The following PLEC variants were observed in gnomAD, a reference collection of about 807,000 sequenced individuals.
PLEC encodes the protein hemidesmosomal protein 1.
PLEC carries 216 observed loss-of-function variants against 392.8 expected under a neutral mutation model. The observed-to-expected ratio is 0.55, with a 90% CI of 0.49 to 0.62. The LOEUF (loss-of-function observed/expected upper bound fraction) is 0.62, where lower values mean the gene tolerates loss of function less well. PLEC is among the 20% of genes least tolerant of loss of function. The probability of loss-of-function intolerance (pLI) is 0.00; values close to 1 mark genes in which losing one functional copy is unlikely to be tolerated. For synonymous variants in PLEC, 3,621 were observed against 2,980.6 expected, an observed-to-expected ratio of 1.21 and a Z score of -7.00; for missense variants, 6,863 against 6,563.4, an observed-to-expected ratio of 1.05 and a Z score of -1.58.
chr8:143,947,605 C>T (rs1164503310), intron 1 of PLEC, among the ~76,000 whole-genome samples: 1 of 151,944 alleles, frequency 6.6e-6, no homozygotes, highest in Non-Finnish European at 1.5e-5. Context: ...CAAAAATTAG[C>T]CAGGCATGGT....
At chr8:143,955,089 C>A (rs2132808036), upstream of PLEC, among the ~76,000 whole-genome samples, 3 of 152,286 alleles carry the variant, frequency 2.0e-5, no homozygotes, top group Middle Eastern at 0.01. Context: ...CCTGCCCGTC[C>A]CTGCCCTCCC....
chr8:143,973,570 G>A (rs1833547202), upstream of PLEC: 4 of 974,524 alleles, frequency 4.1e-6, no homozygotes, highest in Admixed American at 6.0e-5. The surrounding 1 kb of genome is among the most constrained non-coding windows in gnomAD (Gnocchi z 5.6). Flanking sequence ...GGCCGCCCCC[G>A]CCCCGCCCCC....
chr8:143,920,932 C>T lies in PLEC; in HGVS notation c.8889G>A (p.Val2963=), dbSNP rs1822428148. ...EKIIKIIITV[V]EEQEQKGRLC... Reference sequence around the variant, plus strand: ...GCCGGCCCTTCTGCTCCTGCTCCTCCACCACCGTGATGATGATCTTGATGA... The same window carrying T: ...GCCGGCCCTTCTGCTCCTGCTCCTCTACCACCGTGATGATGATCTTGATGA... The change falls in exon 32 of 32, where the codon GTG becomes GTA. Residue 2963 remains valine, a synonymous_variant. Coordinates refer to ENST00000345136, the MANE Select transcript of PLEC (RefSeq NM_201384.3). The T allele has an allele frequency of 6.2e-7, 1 of 1,612,794 alleles. No individual in the cohort carries two copies. Among genetic ancestry groups the T allele is most frequent in the Admixed American group, 1.7e-5 (1 of 60,012 alleles).
At chr8:143,941,801 C>A (rs547377434), upstream of PLEC, among the ~76,000 whole-genome samples, 33 of 152,160 alleles carry the variant, frequency 2.2e-4, no homozygotes, top group Non-Finnish European at 4.9e-4. Flanking sequence ...TGGGACGCAC[C>A]CAGAACACCC....
Position 143,922,973 on chromosome 8 carries a change from A to G in PLEC, c.6956T>C (p.Val2319Ala). 1 of 1,610,652 alleles carries G rather than the reference A, an allele frequency of 6.2e-7. No individual in the cohort carries two copies. Among genetic ancestry groups the G allele is most frequent in the Non-Finnish European group, 8.5e-7 (1 of 1,179,114 alleles). Residue 2319 changes from valine to alanine, a missense_variant, in exon 31 of 32, where the codon GTG (valine) becomes GCG (alanine). Val to Ala is a moderately conservative substitution (Grantham distance 64). Coordinates refer to ENST00000345136, the MANE Select transcript of PLEC (RefSeq NM_201384.3). ...EKMLKEKMQA[V>A]QEATRLKAEA... ...AGCCTTGAGTCGCGTGGCCTCCTGC[A>G]CCGCCTGCATCTTCTCCTTGAGCAT...
Position 143,916,321 on chromosome 8 carries a change from G to C in PLEC, c.13500C>G (p.Gly4500=). Residue 4500 remains glycine, a synonymous_variant, in exon 32 of 32, where the codon GGC becomes GGG. Transcript: ENST00000345136. ...TGGCGTCAAAGCTGCCGCGGCGGGA[G>C]CCGGCCCGGGAGCCGGTGCGCGAGC... ...RTGSRTGSRA[G]SRRGSFDATG... 1 of 1,586,342 alleles carries C rather than the reference G, an allele frequency of 6.3e-7. No homozygotes were observed. Among genetic ancestry groups the C allele is most frequent in the Non-Finnish European group, 8.6e-7 (1 of 1,169,004 alleles).
Position 143,926,694 on chromosome 8 carries a change from G to A in PLEC, c.4044+90C>T, listed in dbSNP as rs535531627. 9.3e-6 allele frequency: 10 copies of A among 1,080,606 alleles called. No homozygotes were observed. In the African/African-American group the frequency reaches 1.2e-4, roughly 13 times the overall value. 66.9% of individuals were successfully genotyped at this position (1,080,606 alleles called of 1,614,324 possible). ...GGGAGAGTGGGGAGGGCCACGAGAG[G>A]TGGCCTCAGGCAGCTCCTGTGGCTG... is the stretch of plus-strand genomic sequence containing the variant. On this transcript the variant is annotated intron_variant, in intron 30 of 31. Transcript: ENST00000345136.
rs786205252 is a variant in PLEC at position 143,930,151 on chromosome 8, C to CGGCCTCCTG, written c.2596_2604dup (p.Gln866_Ala868dup). The CGGCCTCCTG allele has an allele frequency of 1.3e-6, 2 of 1,583,604 alleles. No homozygotes were observed. Among genetic ancestry groups the CGGCCTCCTG allele is most frequent in the Non-Finnish European group, 1.7e-6 (2 of 1,170,952 alleles). On this transcript the variant is annotated inframe_insertion, in exon 21 of 32. Coordinates refer to ENST00000345136, the MANE Select transcript of PLEC (RefSeq NM_201384.3). Reference sequence around the variant, plus strand: ...TGAGCCCCCGCCACCCACCTGGTGACGGCCTCCTGGGCCTCCTGGTTGGGC... The same window carrying CGGCCTCCTG: ...TGAGCCCCCGCCACCCACCTGGTGACGGCCTCCTGGGCCTCCTGGGCCTCCTGGTTGGGC...
At chr8:143,938,605 G>A in intron 2 of PLEC, 26 bp downstream of exon 2, 2 of 1,611,922 alleles carry the variant, frequency 1.2e-6, no homozygotes, top group Non-Finnish European at 1.7e-6. Flanking sequence ...CAGCCCCTGT[G>A]ACACGCACCA....
chr8:143,940,761 C>G (rs2132393901), upstream of PLEC, among the ~76,000 whole-genome samples: 2 of 152,298 alleles, frequency 1.3e-5, no homozygotes, highest in South Asian at 4.1e-4. Context: ...TGAGGGGGCA[C>G]CAGAACCCTC....
At position 143,930,080 on chromosome 8, in the gene PLEC, C is replaced by T. The variant is rs1425821366; in HGVS notation, c.2613-18G>A. On this transcript the variant is annotated intron_variant, in intron 21 of 31. Coordinates refer to ENST00000345136, the MANE Select transcript of PLEC (RefSeq NM_201384.3). ...CCTCCAGCCTGGCAGGTCAGGGCTA[C>T]AGTCAGCGTCACCAGCGCCCCACCC... 3 of 1,607,452 alleles carry T rather than the reference C, an allele frequency of 1.9e-6. No homozygotes were observed. Among genetic ancestry groups the T allele is most frequent in the African/African-American group, 1.3e-5 (1 of 74,898 alleles).
At chr8:143,975,417 G>A (rs530286282), upstream of PLEC, 1 of 1,554,574 alleles carries the variant, frequency 6.4e-7, no homozygotes. This position sits in a 1 kb window ranked among gnomAD's most constrained non-coding sequence, Gnocchi z 9.9. Flanking sequence ...GCCTGTTCAG[G>A]AGTGGACTCT....
In PLEC at chr8:143,934,120, C is replaced by T. The variant is rs563926955; in HGVS notation, c.1170-29G>A. The T allele has an allele frequency of 3.1e-5, 50 of 1,606,454 alleles. No homozygotes were observed. The South Asian group carries it at 3.7e-4, about 12-fold the overall frequency. ...CAGCAGCAGCACAGGGAAGGGGCCG[C>T]GTTGGCCGGGTCCGGCACAGCCCTG... On this transcript the variant is annotated intron_variant, in intron 11 of 31. Coordinates refer to ENST00000345136, the MANE Select transcript of PLEC (RefSeq NM_201384.3).
chr8:143,916,390 G>C lies in PLEC; in HGVS notation c.13431C>G (p.Pro4477=). 2 of 1,611,040 alleles carry C rather than the reference G, an allele frequency of 1.2e-6. No homozygotes were observed. Among genetic ancestry groups the C allele is most frequent in the Non-Finnish European group, 1.7e-6 (2 of 1,179,192 alleles). The change falls in exon 32 of 32, where the codon CCC becomes CCG. Residue 4477 remains proline, a synonymous_variant. Transcript: ENST00000345136. ...TAGAGCCGGAGCCGCTGACGCTGTA[G>C]GGGCTGTAGTAGCCCTTGGTGGACT... The part of the protein sequence containing the change: ...AAQSTKGYYS[P]YSVSGSGSTA...
rs1554725913 is a variant in PLEC at position 143,938,681 on chromosome 8, G to T, written c.124C>A (p.Arg42Ser). The change falls in exon 2 of 32, where the codon CGT becomes AGT. Residue 42 changes from arginine (R) to serine (S), a missense_variant. By Grantham distance (110) the Arg-to-Ser change is moderately radical. Transcript: ENST00000345136. ...ASEGKKDERD[R>S]VQKKTFTKWV... ...TTGGTGAAGGTTTTCTTCTGCACAC[G>T]ATCCCGCTCATCTGGGGGAGACAAG... 1.2e-6 allele frequency: 2 copies of T among 1,613,750 alleles called. No individual in the cohort carries two copies. The highest frequency in any genetic ancestry group is 1.1e-5 in the South Asian group (1 of 91,080).
chr8:143,931,687 G>T, intron 18 of PLEC, 28 bp from the exon 19 acceptor site: 2 of 1,587,742 alleles, frequency 1.3e-6, no homozygotes, highest in African/African-American at 2.7e-5. Flanking sequence ...GGTCACGCCA[G>T]GCTACCTGGG....
chr8:143,953,849 C>T (rs1564216857), upstream of PLEC: 9 of 1,587,092 alleles, frequency 5.7e-6, no homozygotes, highest in Admixed American at 1.8e-5. Flanking sequence ...AGGCCAGCGC[C>T]GCAGCCGGGG....
upstream of PLEC, among the ~76,000 whole-genome samples, chr8:143,952,208 ACG>A (rs113868176): frequency 0.11 from 14,534 of 130,702 alleles, 954 homozygotes; most frequent in African/African-American, 0.25. Flanking sequence ...ACACACACAC[ACG>A]CGCGCACACA....
chr8:143,968,325 C>G (rs1833222661), intron 1 of PLEC, among the ~76,000 whole-genome samples: 2 of 151,718 alleles, frequency 1.3e-5, no homozygotes, highest in African/African-American at 4.8e-5. Flanking sequence ...TGAGGTGGCT[C>G]ACGCTGTAAT....
Sources: allele counts gnomAD v4.1 joint callset (sites outside exome capture counted in the v4.1 genomes callset), GRCh38; gene constraint gnomAD v4.1.1; non-coding constraint Gnocchi (gnomAD v3.1); transcripts MANE v1.5; gene names NCBI Gene and HGNC (gene_info 2026-07-23, HGNC 2026-07-21).